Variants in EPHA5 observed in about 807,000 individuals in gnomAD.
EPHA5 encodes the protein ephrin type-A receptor 5.
Under a neutral mutation model 105.0 loss-of-function variants are expected in EPHA5, and 60 were observed. That is an observed-to-expected ratio of 0.57 (90% CI 0.46 to 0.71). The LOEUF (loss-of-function observed/expected upper bound fraction) is 0.71. EPHA5 is among the 30% of genes least tolerant of loss of function. The pLI is 0.00. For missense variants in EPHA5, 1,218 were observed against 1,274.7 expected, an observed-to-expected ratio of 0.96 and a Z score of 0.68; for synonymous variants, 513 against 449.1, an observed-to-expected ratio of 1.14 and a Z score of -1.80.
intron 3 of EPHA5, among the ~76,000 whole-genome samples, chr4:65,531,173 G>A (rs1735753742): frequency 6.6e-6 from 1 of 150,882 alleles, no homozygotes; most frequent in Non-Finnish European, 1.5e-5. Flanking sequence ...GAGTAGCTGG[G>A]ACTACAGGCG....
rs187860812 is a variant in EPHA5, at chr4:65,576,218, G to A, written c.910+25423C>T. On this transcript the variant is annotated intron_variant, in intron 3 of 16. Coordinates refer to ENST00000613740, the MANE Select transcript of EPHA5 (RefSeq NM_001281766.3). ...AAATAAATGCAGAAAATTGATCAAG[G>A]GTATGCATGACATTTGCCAATTTTG... Among the ~76,000 whole-genome samples the A allele has an allele frequency of 2.4e-4, 37 of 152,088 alleles. No individual in the cohort carries two copies. The East Asian group carries it at 6.0e-3, about 25-fold the overall frequency.
At chr4:65,457,235 C>T (rs1727687643) in intron 5 of EPHA5, among the ~76,000 whole-genome samples, 1 of 152,118 alleles carries the variant, frequency 6.6e-6, no homozygotes, top group Non-Finnish European at 1.5e-5. Flanking sequence ...TCAGTGAAGG[C>T]TGGCTGGGTT....
intron 5 of EPHA5, among the ~76,000 whole-genome samples, chr4:65,427,248 G>A (rs1293913108): frequency 1.4e-5 from 2 of 145,708 alleles, no homozygotes; most frequent in Non-Finnish European, 3.0e-5. Flanking sequence ...ACAGTGGTGC[G>A]ATCTCTGCTC....
intron 3 of EPHA5, among the ~76,000 whole-genome samples, chr4:65,540,081 C>T (rs756256542): frequency 4.4e-5 from 6 of 136,786 alleles, no homozygotes; most frequent in Non-Finnish European, 8.6e-5. Flanking sequence ...AAGTCAGCAC[C>T]ATGCATGAAA....
chr4:65,454,756 C>T, intron 5 of EPHA5, among the ~76,000 whole-genome samples: 1 of 152,130 alleles, frequency 6.6e-6, no homozygotes, highest in Non-Finnish European at 1.5e-5. Flanking sequence ...AAAGCACAGA[C>T]TGCAAGTACT....
chr4:65,536,917 A>G (rs1736345948), intron 3 of EPHA5, among the ~76,000 whole-genome samples: 1 of 151,826 alleles, frequency 6.6e-6, no homozygotes, highest in African/African-American at 2.4e-5. Flanking sequence ...GATTTGTAGA[A>G]TTTGTGTGTC....
At chr4:65,572,674 G>T (rs1253157538) in intron 3 of EPHA5, among the ~76,000 whole-genome samples, 1 of 152,106 alleles carries the variant, frequency 6.6e-6, no homozygotes, top group African/African-American at 2.4e-5. Flanking sequence ...TCTGTGTATA[G>T]AAAACTAGAA....
intron 1 of EPHA5, among the ~76,000 whole-genome samples, chr4:65,656,043 A>G (rs1256561769): frequency 2.0e-5 from 3 of 151,574 alleles, no homozygotes; most frequent in Non-Finnish European, 2.9e-5. Context: ...ACAAGAAAAC[A>G]GCCAGGAAGC....
At chr4:65,377,554 A>C (rs1719133722) in intron 8 of EPHA5, among the ~76,000 whole-genome samples, 1 of 151,992 alleles carries the variant, frequency 6.6e-6, no homozygotes, top group Non-Finnish European at 1.5e-5. Flanking sequence ...TAGCCTATTG[A>C]AAATGTTAGG....
chr4:65,580,260 A>G (rs1560728291), intron 3 of EPHA5, among the ~76,000 whole-genome samples: 1 of 151,914 alleles, frequency 6.6e-6, no homozygotes. Context: ...GTAACTACAG[A>G]ACCAAACAAT....
intron 3 of EPHA5, among the ~76,000 whole-genome samples, chr4:65,544,663 T>G (rs563778201): frequency 6.6e-6 from 1 of 152,156 alleles, no homozygotes; most frequent in African/African-American, 2.4e-5. Flanking sequence ...TGGAAGACAG[T>G]GTGGCAATTC....
At chr4:65,483,090 T>C (rs1730540109) in intron 5 of EPHA5, among the ~76,000 whole-genome samples, 1 of 152,104 alleles carries the variant, frequency 6.6e-6, no homozygotes, top group Admixed American at 6.6e-5. Context: ...AATTCCCACC[T>C]ATGAGTGAGA....
At position 65,321,079 on chromosome 4, in the gene EPHA5, A is replaced by G. The variant is rs1719604484; in HGVS notation, c.*3035T>C. The G allele has an allele frequency of 4.3e-6, 1 of 230,692 alleles. No individual in the cohort carries two copies. Among genetic ancestry groups the G allele is most frequent in the Non-Finnish European group, 8.6e-6 (1 of 116,372 alleles). The allele number at this position is 230,692 out of a possible 1,614,324, so 14.3% of individuals were successfully genotyped here. ...ATGACAAGATTAGAAACAAATTATG[A>G]TAGGTCAAAGTAGTAATTGAGTGAC... On this transcript the variant is annotated 3_prime_UTR_variant, in exon 17 of 17. Coordinates refer to ENST00000613740, the MANE Select transcript of EPHA5 (RefSeq NM_001281766.3).
Position 65,331,985 on chromosome 4 carries a change from T to A in EPHA5, c.2933A>T (p.Gln978Leu). Residue 978 changes from glutamine to leucine, a missense_variant, in exon 16 of 17, where the codon CAG (glutamine) becomes CTG (leucine). Physicochemically the swap from Gln to Leu is moderately radical, Grantham distance 113. Coordinates refer to ENST00000613740, the MANE Select transcript of EPHA5 (RefSeq NM_001281766.3). ...NGYSSMDAVA[Q>L]VTLEDLRRLG... ...AAAAATTACTCACTCCAAGGTCACCTGAGCCACAGCGTCCATTGAACTGTA... is the reference window on the plus strand; with the variant it reads ...AAAAATTACTCACTCCAAGGTCACCAGAGCCACAGCGTCCATTGAACTGTA... 1 of 1,601,322 alleles carries A rather than the reference T, an allele frequency of 6.2e-7. No homozygotes were observed. The highest frequency in any genetic ancestry group is 8.5e-7 in the Non-Finnish European group (1 of 1,175,532).
At chr4:65,333,546 T>TGAGA in intron 15 of EPHA5, among the ~76,000 whole-genome samples, 1 of 13,884 alleles carries the variant, frequency 7.2e-5, no homozygotes, top group Non-Finnish European at 2.9e-4. Context: ...TGTCTGTGTG[T>TGAGA]GTGTGTGTGT....
At chr4:65,487,305 C>G (rs1730973600) in intron 5 of EPHA5, among the ~76,000 whole-genome samples, 1 of 152,134 alleles carries the variant, frequency 6.6e-6, no homozygotes, top group Admixed American at 6.5e-5. Context: ...ATAGACTGAA[C>G]TAACTTTGGG....
intron 3 of EPHA5, among the ~76,000 whole-genome samples, chr4:65,591,815 C>A (rs1447397000): frequency 6.6e-6 from 1 of 151,886 alleles, no homozygotes; most frequent in Admixed American, 6.6e-5. Flanking sequence ...ACTTTACTTG[C>A]CAAATTTTTC....
chr4:65,333,613 C>CTTT (rs778146562), intron 15 of EPHA5, among the ~76,000 whole-genome samples: 15,171 of 79,082 alleles, frequency 0.19, 2,509 homozygotes, highest in Non-Finnish European at 0.21. Flanking sequence ...GCCTGCTAGT[C>CTTT]TTTTTTTTTT....
At chr4:65,658,344 A>G (rs1001605281) in intron 1 of EPHA5, among the ~76,000 whole-genome samples, 10 of 152,058 alleles carry the variant, frequency 6.6e-5, no homozygotes, top group African/African-American at 2.4e-4. Context: ...ACTCAGGCTC[A>G]AGTAGTTAGG....
Sources: gnomAD v4.1 joint callset for allele counts (sites outside exome capture counted in the v4.1 genomes callset) on GRCh38, gnomAD v4.1.1 for gene constraint, MANE v1.5 for transcripts, NCBI Gene and HGNC (gene_info 2026-07-23, HGNC 2026-07-21) for gene names.